KIDINS220: variants seen among roughly 807,000 people sequenced by gnomAD.
KIDINS220 encodes the protein kinase D-interacting substrate of 220 kDa.
A neutral mutation model predicts 157.6 loss-of-function variants in KIDINS220; 63 were observed. The observed-to-expected ratio is 0.40, with a 90% CI of 0.33 to 0.49. The LOEUF is 0.49. KIDINS220 is among the 20% of genes least tolerant of loss of function. The pLI, the probability that KIDINS220 is intolerant of heterozygous loss-of-function variation, is 0.66. For synonymous variants in KIDINS220, 732 were observed against 783.6 expected (o/e 0.93, Z 1.10); for missense variants, 1,772 against 2,171.2 (o/e 0.82, Z 3.65).
At chr2:8,828,054 C>A (rs1391620161) in intron 1 of KIDINS220, among the ~76,000 whole-genome samples, 2 of 152,164 alleles carry the variant, frequency 1.3e-5, no homozygotes, top group African/African-American at 2.4e-5. Context: ...CTAAGGGCTT[C>A]TCGGGGTGCT....
At chr2:8,760,851 AAAAAATAGTGTATTACTGCATG>A (rs1254060161) in intron 22 of KIDINS220, among the ~76,000 whole-genome samples, 27 of 152,168 alleles carry the variant, frequency 1.8e-4, no homozygotes, top group Admixed American at 1.4e-3. Context: ...GTACAAGTCT[AAAAAATAGTGTATTACTGCATG>A]ATATTTACCC....
At chr2:8,791,265 A>C (rs1307529279) in intron 12 of KIDINS220, 41 bp from the exon 13 acceptor site, 1 of 1,523,874 alleles carries the variant, frequency 6.6e-7, no homozygotes, top group Non-Finnish European at 9.0e-7. Context: ...AAACAGTGGC[A>C]TTACTATTAG....
At chr2:8,808,314 T>C (rs1675800510) in intron 6 of KIDINS220, among the ~76,000 whole-genome samples, 2 of 152,192 alleles carry the variant, frequency 1.3e-5, no homozygotes, top group African/African-American at 4.8e-5. Flanking sequence ...ATAATACACA[T>C]AGAAAATCAC....
intron 1 of KIDINS220, among the ~76,000 whole-genome samples, chr2:8,836,570 T>A (rs1680432051): frequency 6.6e-6 from 1 of 152,168 alleles, no homozygotes; most frequent in Non-Finnish European, 1.5e-5. Context: ...CCAAAATGAT[T>A]CTGATGAAAG....
Position 8,751,633 on chromosome 2 carries a change from T to A in KIDINS220, c.3023A>T (p.Asn1008Ile). 1.5e-5 allele frequency: 24 copies of A among 1,582,154 alleles called. No homozygotes were observed. The highest frequency in any genetic ancestry group is 2.1e-5 in the Non-Finnish European group (24 of 1,160,224). ...CTCAACATCCTTAGTTGTTGGAATA[T>A]TCTTTGATATTCTTCAAATAAGAAA... ...LKTIYERISK[N>I]IPTTKDVEPL... Residue 1008 changes from asparagine (N) to isoleucine (I), a missense_variant, in exon 23 of 30, where the codon AAT becomes ATT. Asn to Ile is a moderately radical substitution (Grantham distance 149, BLOSUM62 -3). Around this residue, in one of 3 missense-constraint regions of KIDINS220, gnomAD observed 725 missense variants for 1,017.1 expected, o/e 0.71. Coordinates refer to ENST00000256707, the MANE Select transcript of KIDINS220 (RefSeq NM_020738.4).
Position 8,730,753 on chromosome 2 carries a change from T to G in KIDINS220, c.5283A>C (p.Thr1761=). The change falls in exon 30 of 30, where the codon ACA becomes ACC. Residue 1761 remains threonine (T), a synonymous_variant. Transcript: ENST00000256707. ...TGCTTTCTCTTTCTTCTCCAAAGCC[T>G]GTGCTCTCAGAAGAGGCTGCTGCAT... is the stretch of plus-strand genomic sequence containing the variant. The part of the protein sequence containing the change: ...ELHAAASSES[T]GFGEERESIL 1 of 1,614,192 alleles carries G rather than the reference T, an allele frequency of 6.2e-7. No individual in the cohort carries two copies. The highest frequency in any genetic ancestry group is 8.5e-7 in the Non-Finnish European group (1 of 1,180,032).
At chr2:8,732,712 C>G (rs1474528264) in intron 29 of KIDINS220, among the ~76,000 whole-genome samples, 1 of 152,182 alleles carries the variant, frequency 6.6e-6, no homozygotes, top group Non-Finnish European at 1.5e-5. Context: ...TGGGGACCTT[C>G]TCAAGGAAAT....
At chr2:8,835,884 C>T (rs1680319038) in intron 1 of KIDINS220, among the ~76,000 whole-genome samples, 1 of 152,042 alleles carries the variant, frequency 6.6e-6, no homozygotes, top group African/African-American at 2.4e-5. Flanking sequence ...GGGGATGGCA[C>T]ATTCATACAT....
rs1673543061 is a variant in KIDINS220, at chr2:8,793,934, T to G, written c.1152A>C (p.Ala384=). ...IAIRGRSRKL[A]ELLLRNPKDG... ...CTTTGGGATTTCTTAAAAGCAGTTC[T>G]GCCAGTTTCCGGCTCCTTCCACGAA... The change falls in exon 12 of 30, where the codon GCA becomes GCC. Residue 384 remains alanine, a synonymous_variant. Transcript: ENST00000256707. The G allele has an allele frequency of 1.2e-6, 2 of 1,613,988 alleles. No homozygotes were observed.
intron 22 of KIDINS220, among the ~76,000 whole-genome samples, chr2:8,765,566 T>C (rs1427925748): frequency 6.6e-6 from 1 of 152,184 alleles, no homozygotes; most frequent in Non-Finnish European, 1.5e-5. Flanking sequence ...GGGAAATTAG[T>C]CTTATAAATT....
At chr2:8,808,227 C>T (rs535417847) in intron 6 of KIDINS220, among the ~76,000 whole-genome samples, 1 of 152,292 alleles carries the variant, frequency 6.6e-6, no homozygotes, top group African/African-American at 2.4e-5. Context: ...CTAGCCTCCT[C>T]TTTTGCGGAT....
rs767270703 is a variant in KIDINS220, at chr2:8,730,594, C to T, written c.*126G>A. ...CACACTGCAGATGTCTCTTTTACCTCGGCCTCATCATCGGTTAGTTATCTG... is the reference window on the plus strand; with the variant it reads ...CACACTGCAGATGTCTCTTTTACCTTGGCCTCATCATCGGTTAGTTATCTG... On this transcript the variant is annotated 3_prime_UTR_variant, in exon 30 of 30. Transcript: ENST00000256707. The T allele has an allele frequency of 3.0e-5, 44 of 1,444,380 alleles. No individual in the cohort carries two copies. The highest frequency in any genetic ancestry group is 2.0e-4 in the Middle Eastern group (1 of 5,058). 89.5% of individuals were successfully genotyped at this position (1,444,380 alleles called of 1,614,324 possible). A position where few individuals can be genotyped will look rare whatever the true frequency, so the allele number is the denominator to read the frequency against.
intron 1 of KIDINS220, among the ~76,000 whole-genome samples, chr2:8,836,244 A>G (rs1029705897): frequency 4.6e-4 from 69 of 151,614 alleles, no homozygotes; most frequent in African/African-American, 1.6e-3. Context: ...ACTTTTCTCT[A>G]CTTAAGTTAT....
chr2:8,753,933 G>A (rs1054630381), intron 22 of KIDINS220, among the ~76,000 whole-genome samples: 1 of 152,154 alleles, frequency 6.6e-6, no homozygotes, highest in East Asian at 1.9e-4. Context: ...GCACAAGACA[G>A]AAAAGCCCTC....
intron 2 of KIDINS220, among the ~76,000 whole-genome samples, chr2:8,820,638 G>C (rs1677807526): frequency 6.6e-6 from 1 of 151,512 alleles, no homozygotes; most frequent in South Asian, 2.1e-4. Flanking sequence ...ATCCAACCAG[G>C]GTCATTAGGG....
At position 8,796,060 on chromosome 2, in the gene KIDINS220, GT is replaced by G. The variant is rs1159180796; in HGVS notation, c.1098+710del. On this transcript the variant is annotated intron_variant, in intron 11 of 29. Coordinates refer to ENST00000256707, the MANE Select transcript of KIDINS220 (RefSeq NM_020738.4). ...AAATGAAACATAAACACATTGACTC[GT>G]GACTCCCTGTTTTTGTTTAACTGCC... Among the ~76,000 whole-genome samples, 124 of 152,132 alleles carry G rather than the reference GT, an allele frequency of 8.2e-4. 1 individual carries two copies. The highest frequency in any genetic ancestry group is 1.0e-4 in the Non-Finnish European group (7 of 68,006).
intron 26 of KIDINS220, among the ~76,000 whole-genome samples, chr2:8,742,720 C>T (rs1490492494): frequency 6.6e-6 from 1 of 152,226 alleles, no homozygotes; most frequent in African/African-American, 2.4e-5. Context: ...CGGTGGCCTT[C>T]AGGTCCACAC....
chr2:8,754,292 T>C (rs901496209), intron 22 of KIDINS220, among the ~76,000 whole-genome samples: 5 of 152,238 alleles, frequency 3.3e-5, no homozygotes, highest in Admixed American at 2.0e-4. Flanking sequence ...GAAGTCTCTA[T>C]TCTAACCTTC....
chr2:8,765,848 C>T (rs13005978), intron 22 of KIDINS220, among the ~76,000 whole-genome samples: 40,692 of 152,002 alleles, frequency 0.27, 5,620 homozygotes, highest in Middle Eastern at 0.34. Context: ...GGATTACAGG[C>T]GTACTCCACC....
Sources: gnomAD v4.1 joint callset for allele counts (sites outside exome capture counted in the v4.1 genomes callset) on GRCh38, gnomAD v4.1.1 for gene constraint, gnomAD v4.1.1 regional missense constraint, MANE v1.5 for transcripts, NCBI Gene and HGNC (gene_info 2026-07-23, HGNC 2026-07-21) for gene names.